Variants in ST3GAL2 observed in about 807,000 individuals in gnomAD.
ST3GAL2 encodes the protein ST3 beta-galactoside alpha-2,3-sialyltransferase 2, also known as CMP-N-acetylneuraminate-beta-galactosamide-alpha-2,3-sialyltransferase 2.
A neutral mutation model predicts 37.5 loss-of-function variants in ST3GAL2; 16 were observed. The ratio of observed to expected loss-of-function variants is 0.43; its 90% CI spans 0.29 to 0.65. ST3GAL2 has a LOEUF of 0.65. Ranked by LOEUF, ST3GAL2 falls within the 30% of genes least tolerant of loss-of-function variation. The pLI is 0.17. For synonymous variants in ST3GAL2, 238 were observed against 202.9 expected, an observed-to-expected ratio of 1.17 and a Z score of -1.47; for missense variants, 383 against 487.8, an observed-to-expected ratio of 0.79 and a Z score of 2.02.
chr16:70,431,472 G>A (rs1030221257), intron 1 of ST3GAL2, among the ~76,000 whole-genome samples: 4 of 152,154 alleles, frequency 2.6e-5, no homozygotes, highest in African/African-American at 9.7e-5. Context: ...CCAGGAGGAC[G>A]GGCCCCTTCA....
At chr16:70,438,777 C>T (rs1223775438) in intron 1 of ST3GAL2, among the ~76,000 whole-genome samples, 172 bp downstream of exon 1, 1 of 151,968 alleles carries the variant, frequency 6.6e-6, no homozygotes, top group African/African-American at 2.4e-5. Flanking sequence ...CCAACGCGCG[C>T]GGACCCCCGC....
chr16:70,403,116 G>T (rs2047567020), intron 1 of ST3GAL2, among the ~76,000 whole-genome samples: 1 of 150,738 alleles, frequency 6.6e-6, no homozygotes, highest in African/African-American at 2.5e-5. Flanking sequence ...AGACCAGAAA[G>T]GAACTGTTGC....
At chr16:70,397,783 A>G (rs1269065167) in intron 2 of ST3GAL2, among the ~76,000 whole-genome samples, 1 of 152,132 alleles carries the variant, frequency 6.6e-6, no homozygotes, top group Non-Finnish European at 1.5e-5. Flanking sequence ...ATAAATTAGG[A>G]TATTTAGTTT....
Position 70,398,425 on chromosome 16 carries a change from A to G in ST3GAL2, c.106T>C (p.Tyr36His). 1 of 1,613,664 alleles carries G rather than the reference A, an allele frequency of 6.2e-7. No homozygotes were observed. Among genetic ancestry groups the G allele is most frequent in the South Asian group, 1.1e-5 (1 of 91,090 alleles). Residue 36 changes from tyrosine (Y) to histidine (H), a missense_variant, in exon 2 of 7, where the codon TAC becomes CAC. Tyr to His is a moderately conservative substitution (Grantham distance 83). Transcript: ENST00000342907. ...CCATCCAGGGCCCCTGAGTCCAGGT[A>G]GGGGAGCGTGGCCATGCTGTGGTGC... ...YSHHSMATLPYLDSGALDGTH... is the reference protein window; with the variant it reads ...YSHHSMATLPHLDSGALDGTH...
chr16:70,398,772 G>A lies in ST3GAL2; in HGVS notation c.-242C>T, dbSNP rs1218382580. 3.4e-6 allele frequency: 2 copies of A among 586,580 alleles called. No individual in the cohort carries two copies. The highest frequency in any genetic ancestry group is 6.1e-6 in the Non-Finnish European group (2 of 329,878). 36.3% of individuals were successfully genotyped at this position (586,580 alleles called of 1,614,324 possible). A position where few individuals can be genotyped will look rare whatever the true frequency, so the allele number is the denominator to read the frequency against. On this transcript the variant is annotated 5_prime_UTR_variant, in exon 2 of 7. Coordinates refer to ENST00000342907, the MANE Select transcript of ST3GAL2 (RefSeq NM_006927.4). The stretch of plus-strand genomic sequence containing the variant: ...GGGGCCCCTGCTTAGGGCTTCATCG[G>A]GTCTCTCCGTCACTAGCTAGGCCAC...
intron 1 of ST3GAL2, 105 bp downstream of exon 1, chr16:70,438,844 C>G (rs1445135045): frequency 6.6e-5 from 10 of 152,100 alleles, no homozygotes; most frequent in Admixed American, 5.9e-4. Context: ...TGGAACGGGC[C>G]GGTCTGGGCC....
intron 3 of ST3GAL2, among the ~76,000 whole-genome samples, chr16:70,390,379 A>G (rs1230458869): frequency 6.6e-6 from 1 of 152,124 alleles, no homozygotes; most frequent in Non-Finnish European, 1.5e-5. Context: ...GGCCTTTTAT[A>G]ATTTTTTAAA....
intron 1 of ST3GAL2, among the ~76,000 whole-genome samples, chr16:70,434,979 G>A (rs80072707): frequency 6.6e-6 from 1 of 152,294 alleles, no homozygotes; most frequent in South Asian, 2.1e-4. Context: ...AAGACTCCCA[G>A]GTATCCTGTC....
intron 1 of ST3GAL2, among the ~76,000 whole-genome samples, chr16:70,437,070 T>C (rs893919448): frequency 6.6e-6 from 1 of 152,074 alleles, no homozygotes; most frequent in Non-Finnish European, 1.5e-5. Flanking sequence ...GTAGAAATGC[T>C]CCCCTGAGGC....
At chr16:70,385,155 A>G (rs1228019045) in intron 4 of ST3GAL2, among the ~76,000 whole-genome samples, 1 of 151,266 alleles carries the variant, frequency 6.6e-6, no homozygotes, top group African/African-American at 2.4e-5. Context: ...AATACAAAAA[A>G]TCAGCTGGGC....
At chr16:70,438,785 C>A (rs901272461) in intron 1 of ST3GAL2, among the ~76,000 whole-genome samples, 164 bp downstream of exon 1, 1 of 151,948 alleles carries the variant, frequency 6.6e-6, no homozygotes, top group Non-Finnish European at 1.5e-5. Context: ...CGCGGACCCC[C>A]GCCCACACGA....
chr16:70,422,537 A>C (rs2047722076), intron 1 of ST3GAL2, among the ~76,000 whole-genome samples: 1 of 152,190 alleles, frequency 6.6e-6, no homozygotes, highest in South Asian at 2.1e-4. Context: ...GGCAAGAGGA[A>C]AGACACAGGA....
In ST3GAL2 at chr16:70,382,870, G is replaced by A; in HGVS notation, c.814C>T (p.His272Tyr). The A allele has an allele frequency of 6.2e-7, 1 of 1,614,094 alleles. No individual in the cohort carries two copies. The highest frequency in any genetic ancestry group is 8.5e-7 in the Non-Finnish European group (1 of 1,179,978). ...CCCGTGGAAGGGTACCGCCCGTGATGCTCTGTCCACCTGTCGTGGATATAC... is the reference window on the plus strand; with the variant it reads ...CCCGTGGAAGGGTACCGCCCGTGATACTCTGTCCACCTGTCGTGGATATAC... ...FKYIHDRWTEHHGRYPSTGML... is the reference protein window; with the variant it reads ...FKYIHDRWTEYHGRYPSTGML... The change falls in exon 6 of 7, where the codon CAT becomes TAT. Residue 272 changes from histidine to tyrosine, a missense_variant. This residue lies in a region of ST3GAL2 where 160 missense variants were observed against 248.6 expected (regional missense o/e 0.64). Coordinates refer to ENST00000342907, the MANE Select transcript of ST3GAL2 (RefSeq NM_006927.4).
rs79439531 is a variant in ST3GAL2, at chr16:70,407,891, T to C, written c.-1003-8358A>G. 1.8e-3 allele frequency among the ~76,000 whole-genome samples: 269 copies of C among 152,188 alleles called. 5 individuals carry two copies. The East Asian group carries it at 0.035, about 20-fold the overall frequency. On this transcript the variant is annotated intron_variant, in intron 1 of 6. Coordinates refer to ENST00000342907, the MANE Select transcript of ST3GAL2 (RefSeq NM_006927.4). ...ACCACCTCAGACCAGCACAGCTGAATACAACCTTCTTGGCATGCAGAGAAA... is the reference window on the plus strand; with the variant it reads ...ACCACCTCAGACCAGCACAGCTGAACACAACCTTCTTGGCATGCAGAGAAA...
At chr16:70,413,437 C>T (rs895546287) in intron 1 of ST3GAL2, among the ~76,000 whole-genome samples, 3 of 148,452 alleles carry the variant, frequency 2.0e-5, no homozygotes, top group African/African-American at 5.0e-5. Context: ...AAAAGCTGGC[C>T]GGGCGCGGTG....
intron 1 of ST3GAL2, among the ~76,000 whole-genome samples, chr16:70,433,033 A>C (rs2151681835): frequency 6.6e-6 from 1 of 152,378 alleles, no homozygotes; most frequent in East Asian, 1.9e-4. Context: ...GTGTGCGGTC[A>C]GCATAAGCAC....
At chr16:70,406,556 C>T (rs1180658514) in intron 1 of ST3GAL2, among the ~76,000 whole-genome samples, 1 of 151,222 alleles carries the variant, frequency 6.6e-6, no homozygotes. Flanking sequence ...CCGAGGGTGG[C>T]GGATCTCCTG....
chr16:70,382,339 A>T (rs1275426858), intron 6 of ST3GAL2, among the ~76,000 whole-genome samples: 1 of 151,986 alleles, frequency 6.6e-6, no homozygotes, highest in African/African-American at 2.4e-5. Context: ...CTGGAGTGCA[A>T]TGCCGCTATC....
chr16:70,402,642 G>A (rs1163606614), intron 1 of ST3GAL2, among the ~76,000 whole-genome samples: 1 of 152,104 alleles, frequency 6.6e-6, no homozygotes, highest in East Asian at 1.9e-4. Context: ...TCCAGGTGGT[G>A]GGTACAGAAG....
Sources: gnomAD v4.1 joint callset for allele counts (sites outside exome capture counted in the v4.1 genomes callset) on GRCh38, gnomAD v4.1.1 for gene constraint, gnomAD v4.1.1 regional missense constraint, MANE v1.5 for transcripts, NCBI Gene and HGNC (gene_info 2026-07-23, HGNC 2026-07-21) for gene names.